The following NLGN1 variants were observed in gnomAD, a reference collection of about 807,000 sequenced individuals.
The protein encoded by NLGN1 is neuroligin-1.
In NLGN1, 12 loss-of-function variants were observed where a neutral mutation model predicts 65.5. That is an observed-to-expected ratio of 0.18 (90% CI 0.12 to 0.30). The LOEUF (loss-of-function observed/expected upper bound fraction) is 0.30. Ranked by LOEUF, NLGN1 falls within the 10% of genes least tolerant of loss-of-function variation. NLGN1 has a pLI of 1.00. For synonymous variants in NLGN1, 350 were observed against 359.5 expected (o/e 0.97, Z 0.30); for missense variants, 750 against 1,007.1 (o/e 0.74, Z 3.46).
intron 3 of NLGN1, among the ~76,000 whole-genome samples, chr3:173,636,383 A>C (rs1756601090): frequency 1.3e-5 from 2 of 152,202 alleles, no homozygotes; most frequent in African/African-American, 4.8e-5. Flanking sequence ...CTTCAAGGAA[A>C]TTATAACTAT....
intron 1 of NLGN1, among the ~76,000 whole-genome samples, chr3:173,414,514 C>A (rs1016328112): frequency 6.6e-6 from 1 of 151,608 alleles, no homozygotes; most frequent in African/African-American, 2.4e-5. Flanking sequence ...ATAGAGGCTT[C>A]AGTTTGCCAC....
rs76777256 is a variant in NLGN1, at chr3:173,899,751, C to T, written c.646+91919C>T. ...GAGTAGTTATCAAACATTATATGGC[C>T]TATGAAGCCTGAAATATTTGCTATC... On this transcript the variant is annotated intron_variant, in intron 4 of 6. Coordinates refer to ENST00000457714, the Ensembl canonical transcript of NLGN1. Among the ~76,000 whole-genome samples, 46 of 152,186 alleles carry T rather than the reference C, an allele frequency of 3.0e-4. 1 individual carries two copies. Among genetic ancestry groups the T allele is most frequent in the African/African-American group, 1.1e-3 (45 of 41,564 alleles).
intron 1 of NLGN1, among the ~76,000 whole-genome samples, chr3:173,424,172 T>TGG (rs1715668391): frequency 6.6e-6 from 1 of 152,170 alleles, no homozygotes; most frequent in Admixed American, 6.5e-5. Flanking sequence ...TGCAGGGCAC[T>TGG]AAGTTCTGAA....
At chr3:174,090,080 AATGT>A (rs1744210322) in intron 4 of NLGN1, among the ~76,000 whole-genome samples, 1 of 152,206 alleles carries the variant, frequency 6.6e-6, no homozygotes, top group Admixed American at 6.5e-5. Context: ...CTTATTAAAA[AATGT>A]AATCACTTTT....
intron 4 of NLGN1, among the ~76,000 whole-genome samples, chr3:174,124,110 T>C (rs1212806177): frequency 1.3e-5 from 2 of 152,050 alleles, no homozygotes; most frequent in Admixed American, 6.6e-5. Flanking sequence ...AATGTTCCCA[T>C]CTACAAGCCA....
intron 4 of NLGN1, among the ~76,000 whole-genome samples, chr3:174,208,352 C>A (rs1244977563): frequency 6.6e-6 from 1 of 152,146 alleles, no homozygotes; most frequent in Admixed American, 6.5e-5. Flanking sequence ...GTTACTGTAA[C>A]TTAATAAGTT....
At chr3:173,814,611 T>C (rs894971392) in intron 4 of NLGN1, among the ~76,000 whole-genome samples, 4 of 152,200 alleles carry the variant, frequency 2.6e-5, no homozygotes, top group African/African-American at 4.8e-5. Context: ...ATTGTGGATG[T>C]TAGTTAAAAG....
chr3:173,847,756 C>T (rs1726067451), intron 4 of NLGN1, among the ~76,000 whole-genome samples: 1 of 152,116 alleles, frequency 6.6e-6, no homozygotes, highest in Non-Finnish European at 1.5e-5. Flanking sequence ...CCTGTAGTCC[C>T]ACCTACTCAG....
At chr3:173,992,896 C>T (rs1008451363) in intron 4 of NLGN1, among the ~76,000 whole-genome samples, 2 of 152,102 alleles carry the variant, frequency 1.3e-5, no homozygotes, top group Non-Finnish European at 2.9e-5. Flanking sequence ...TTACAACAAT[C>T]TTAGTCTACT....
intron 4 of NLGN1, among the ~76,000 whole-genome samples, chr3:173,824,040 A>C (rs544204150): frequency 6.6e-6 from 1 of 152,064 alleles, no homozygotes; most frequent in South Asian, 2.1e-4. Context: ...AGATCAGTTT[A>C]ATGTTTGGTT....
intron 2 of NLGN1, among the ~76,000 whole-genome samples, chr3:173,602,435 T>C (rs1750698244): frequency 6.6e-6 from 1 of 151,986 alleles, no homozygotes; most frequent in Non-Finnish European, 1.5e-5. Flanking sequence ...TTTTGTAACC[T>C]CAGGAGCTAA....
At chr3:174,184,205 A>T (rs1021513708) in intron 4 of NLGN1, among the ~76,000 whole-genome samples, 4 of 152,158 alleles carry the variant, frequency 2.6e-5, no homozygotes, top group African/African-American at 9.7e-5. Context: ...TTATACTGAA[A>T]AAAATAGACC....
intron 4 of NLGN1, among the ~76,000 whole-genome samples, chr3:173,910,002 G>A (rs754405895): frequency 6.6e-5 from 10 of 152,126 alleles, no homozygotes; most frequent in Non-Finnish European, 1.3e-4. Context: ...TATAGTGAAG[G>A]CATGTTAGGT....
At chr3:173,679,412 T>C (rs1431336431) in intron 3 of NLGN1, among the ~76,000 whole-genome samples, 1 of 152,050 alleles carries the variant, frequency 6.6e-6, no homozygotes, top group East Asian at 1.9e-4. Context: ...TGTGGTAGTC[T>C]ACAGATTCGG....
At chr3:174,266,142 A>AGAT (rs1748181909) in intron 4 of NLGN1, among the ~76,000 whole-genome samples, 1 of 151,650 alleles carries the variant, frequency 6.6e-6, no homozygotes, top group East Asian at 1.9e-4. Flanking sequence ...TTTAATGTAC[A>AGAT]GATTATTTTG....
At position 174,075,381 on chromosome 3, in the gene NLGN1, C is replaced by G. The variant is rs1372188376; in HGVS notation, c.647-199934C>G. Among the ~76,000 whole-genome samples, 4 of 151,978 alleles carry G rather than the reference C, an allele frequency of 2.6e-5. No individual in the cohort carries two copies. The East Asian group carries it at 5.8e-4, about 22-fold the overall frequency. On this transcript the variant is annotated intron_variant, in intron 4 of 6. Coordinates refer to ENST00000457714, the Ensembl canonical transcript of NLGN1. ...CACATAATATTGGTTGATTTGGATC[C>G]TTAATCAATAAAAATTAGCAAATCT...
chr3:173,939,563 G>T (rs1745639473), intron 4 of NLGN1, among the ~76,000 whole-genome samples: 1 of 152,178 alleles, frequency 6.6e-6, no homozygotes, highest in South Asian at 2.1e-4. Context: ...CTTTGTGACA[G>T]TCTGTATATG....
At chr3:174,227,875 AATAG>A (rs1486910409) in intron 4 of NLGN1, among the ~76,000 whole-genome samples, 7 of 152,104 alleles carry the variant, frequency 4.6e-5, no homozygotes, top group Non-Finnish European at 7.4e-5. Flanking sequence ...TGGTGTATTA[AATAG>A]ATAATTTGAC....
At chr3:174,073,006 G>C (rs1433926626) in intron 4 of NLGN1, among the ~76,000 whole-genome samples, 4 of 152,080 alleles carry the variant, frequency 2.6e-5, no homozygotes, top group Admixed American at 2.6e-4. Context: ...CTCTTGAGTG[G>C]AATTTTCTGG....
Sources: allele counts gnomAD v4.1 joint callset (sites outside exome capture counted in the v4.1 genomes callset), GRCh38; gene constraint gnomAD v4.1.1; transcripts MANE v1.5; gene names NCBI Gene and HGNC (gene_info 2026-07-23, HGNC 2026-07-21).